Variants in PARD3 observed in about 807,000 individuals in gnomAD.
PARD3 encodes the protein par-3 family cell polarity regulator.
A neutral mutation model predicts 155.4 loss-of-function variants in PARD3; 75 were observed. The ratio of observed to expected loss-of-function variants is 0.48; its 90% CI spans 0.40 to 0.58. PARD3 has a LOEUF of 0.58. PARD3 is among the 20% of genes least tolerant of loss of function. PARD3 has a pLI of 0.00. For synonymous variants in PARD3, 576 were observed against 610.5 expected, an observed-to-expected ratio of 0.94 and a Z score of 0.83; for missense variants, 1,642 against 1,721.7, an observed-to-expected ratio of 0.95 and a Z score of 0.82.
intron 2 of PARD3, among the ~76,000 whole-genome samples, chr10:34,645,156 A>T (rs1324112936): frequency 1.3e-5 from 2 of 149,186 alleles, no homozygotes. Context: ...CCCAGCCAAC[A>T]CTATTTTTAT....
chr10:34,169,240 C>A (rs1330430268), intron 22 of PARD3, among the ~76,000 whole-genome samples: 2 of 152,168 alleles, frequency 1.3e-5, no homozygotes, highest in Non-Finnish European at 2.9e-5. Flanking sequence ...AAGATCTGTA[C>A]AATCTTTACT....
At chr10:34,691,032 A>G (rs1051132221) in intron 2 of PARD3, among the ~76,000 whole-genome samples, 5 of 152,282 alleles carry the variant, frequency 3.3e-5, no homozygotes, top group African/African-American at 1.2e-4. Flanking sequence ...TGGCAACACA[A>G]TGAGACCCTG....
chr10:34,207,310 T>C (rs1278703674), intron 22 of PARD3, among the ~76,000 whole-genome samples: 3 of 152,208 alleles, frequency 2.0e-5, no homozygotes, highest in Non-Finnish European at 4.4e-5. Flanking sequence ...ATTTTAAAAA[T>C]AAGCACAGCA....
intron 2 of PARD3, among the ~76,000 whole-genome samples, chr10:34,671,109 C>A (rs529117572): frequency 3.2e-4 from 49 of 152,194 alleles, no homozygotes; most frequent in Non-Finnish European, 6.2e-4. Context: ...AGAATTACAG[C>A]CTTCAAATCA....
chr10:34,480,804 T>C (rs908363225), intron 3 of PARD3, among the ~76,000 whole-genome samples: 11 of 149,384 alleles, frequency 7.4e-5, no homozygotes, highest in South Asian at 6.3e-4. Context: ...CTTTTTTTTT[T>C]TTTTTTTTTC....
chr10:34,429,993 G>T (rs1397604833), intron 5 of PARD3, among the ~76,000 whole-genome samples: 1 of 152,154 alleles, frequency 6.6e-6, no homozygotes, highest in East Asian at 1.9e-4. Flanking sequence ...GTCTCCCAAA[G>T]TGCTAAGATT....
chr10:34,164,620 T>C (rs183818952), intron 22 of PARD3, among the ~76,000 whole-genome samples: 1 of 152,312 alleles, frequency 6.6e-6, no homozygotes, highest in African/African-American at 2.4e-5. Context: ...TTTTTCTGCT[T>C]TGAGAAACAT....
intron 1 of PARD3, among the ~76,000 whole-genome samples, chr10:34,802,563 A>C (rs1451349436): frequency 1.3e-5 from 2 of 152,208 alleles, no homozygotes; most frequent in East Asian, 3.9e-4. Context: ...TATGTGTCAA[A>C]GCTTTGGTCT....
chr10:34,339,958 C>T (rs1836624215), intron 16 of PARD3, among the ~76,000 whole-genome samples: 1 of 152,134 alleles, frequency 6.6e-6, no homozygotes, highest in Admixed American at 6.5e-5. Flanking sequence ...AGTTATTAAT[C>T]CTGTCTTATT....
At chr10:34,557,140 T>C (rs1013563408) in intron 2 of PARD3, among the ~76,000 whole-genome samples, 4 of 152,166 alleles carry the variant, frequency 2.6e-5, no homozygotes, top group Admixed American at 1.3e-4. Flanking sequence ...CCATGATCTC[T>C]TTTTCTTTAC....
intron 15 of PARD3, among the ~76,000 whole-genome samples, chr10:34,347,038 T>C (rs1564612232): frequency 6.6e-6 from 1 of 152,230 alleles, no homozygotes; most frequent in East Asian, 1.9e-4. Flanking sequence ...CACTGATGAA[T>C]AAATTACTGT....
intron 1 of PARD3, among the ~76,000 whole-genome samples, chr10:34,721,340 T>C (rs193179489): frequency 1.1e-3 from 162 of 152,280 alleles, no homozygotes; most frequent in African/African-American, 3.4e-3. Flanking sequence ...AAAAGAGTTG[T>C]GGAGCGAACA....
chr10:34,674,961 T>C (rs1464682633), intron 2 of PARD3, among the ~76,000 whole-genome samples: 2 of 152,218 alleles, frequency 1.3e-5, no homozygotes, highest in Non-Finnish European at 2.9e-5. Flanking sequence ...CACATGTATA[T>C]GCACGTAATA....
At chr10:34,430,155 G>A (rs1181054930) in intron 5 of PARD3, among the ~76,000 whole-genome samples, 1 of 152,318 alleles carries the variant, frequency 6.6e-6, no homozygotes, top group East Asian at 1.9e-4. Flanking sequence ...ATGCCAACTG[G>A]CATGTTCTTG....
chr10:34,807,564 T>C (rs1296927309), intron 1 of PARD3, among the ~76,000 whole-genome samples: 2 of 152,316 alleles, frequency 1.3e-5, no homozygotes, highest in African/African-American at 4.8e-5. Flanking sequence ...ACTGTCTCTA[T>C]AGAGCTACCC....
At chr10:34,177,109 T>G (rs1373502212) in intron 22 of PARD3, among the ~76,000 whole-genome samples, 1 of 152,102 alleles carries the variant, frequency 6.6e-6, no homozygotes, top group Non-Finnish European at 1.5e-5. Context: ...ACTATTATTT[T>G]GCTTTTATTA....
intron 22 of PARD3, among the ~76,000 whole-genome samples, chr10:34,137,261 C>T (rs1947949767): frequency 6.6e-6 from 1 of 152,114 alleles, no homozygotes; most frequent in East Asian, 1.9e-4. Flanking sequence ...ATCGTGGTGT[C>T]CCTCTTTATG....
chr10:34,639,135 C>T (rs969390719), intron 2 of PARD3, among the ~76,000 whole-genome samples: 2 of 152,148 alleles, frequency 1.3e-5, no homozygotes, highest in African/African-American at 2.4e-5. Context: ...GTGGCTCACA[C>T]CTGTAATCCC....
chr10:34,641,306 C>T (rs1385336890), intron 2 of PARD3, among the ~76,000 whole-genome samples: 1 of 152,178 alleles, frequency 6.6e-6, no homozygotes, highest in Non-Finnish European at 1.5e-5. Flanking sequence ...TAAAATTAAC[C>T]AGGTTCTCCC....
Sources: allele counts gnomAD v4.1 joint callset (sites outside exome capture counted in the v4.1 genomes callset), GRCh38; gene constraint gnomAD v4.1.1; transcripts MANE v1.5; gene names NCBI Gene and HGNC (gene_info 2026-07-23, HGNC 2026-07-21).